Variants in ACVR2A observed in about 807,000 individuals in gnomAD.
ACVR2A encodes the protein activin A receptor type 2A.
ACVR2A carries 7 observed loss-of-function variants against 61.4 expected under a neutral mutation model. The ratio of observed to expected loss-of-function variants is 0.11; its 90% confidence interval spans 0.06 to 0.21. ACVR2A has a LOEUF of 0.21. Among genes scored for constraint, ACVR2A ranks in the 10% least tolerant of loss-of-function variants. The probability of loss-of-function intolerance (pLI) is 1.00; values close to 1 mark genes in which losing one functional copy is unlikely to be tolerated. For missense variants in ACVR2A, 322 were observed against 621.7 expected (o/e 0.52, Z 5.13); for synonymous variants, 193 against 208.3 (o/e 0.93, Z 0.63).
chr2:147,923,247 G>C, intron 9 of ACVR2A, 136 bp downstream of exon 9: 1 of 964,302 alleles, frequency 1.0e-6, no homozygotes, highest in East Asian at 2.7e-5. Context: ...GAGAATTCAG[G>C]AGGCAGGGGA....
chr2:147,898,502 A>T (rs1686797720), intron 2 of ACVR2A, among the ~76,000 whole-genome samples: 1 of 151,988 alleles, frequency 6.6e-6, no homozygotes, highest in Admixed American at 6.6e-5. Context: ...GTTGATGTTG[A>T]GTATATTTTA....
At chr2:147,904,589 G>A (rs905073938) in intron 4 of ACVR2A, among the ~76,000 whole-genome samples, 2 of 151,818 alleles carry the variant, frequency 1.3e-5, no homozygotes, top group Admixed American at 6.6e-5. Flanking sequence ...GGTCTGATAA[G>A]GACTAAAGCT....
intron 1 of ACVR2A, among the ~76,000 whole-genome samples, chr2:147,850,117 T>C (rs982114854): frequency 6.6e-6 from 1 of 152,120 alleles, no homozygotes; most frequent in Non-Finnish European, 1.5e-5. Flanking sequence ...GCTCTGTAAC[T>C]CATTGTTTTT....
At chr2:147,881,165 C>T (rs540797519) in intron 1 of ACVR2A, among the ~76,000 whole-genome samples, 22 of 152,190 alleles carry the variant, frequency 1.4e-4, no homozygotes, top group Admixed American at 1.4e-3. Context: ...TAAATGTGGT[C>T]CCAGGTGTTA....
Position 147,927,227 on chromosome 2 carries a change from A to C in ACVR2A, c.1495A>C (p.Thr499Pro). Residue 499 changes from threonine to proline, a missense_variant, in exon 11 of 11, where the codon ACA (threonine) becomes CCA (proline). Coordinates refer to ENST00000241416, the MANE Select transcript of ACVR2A (RefSeq NM_001616.5). Reference protein sequence around the residue: ...ITTEDIVTVVTMVTNVDFPPK... With the variant: ...ITTEDIVTVVPMVTNVDFPPK... ...CACAGAGGACATTGTAACAGTGGTC[A>C]CAATGGTGACAAATGTTGACTTTCC... 6.2e-7 allele frequency: 1 copy of C among 1,611,976 alleles called. No homozygotes were observed. The highest frequency in any genetic ancestry group is 8.5e-7 in the Non-Finnish European group (1 of 1,178,664).
At chr2:147,858,329 T>A (rs1043302205) in intron 1 of ACVR2A, among the ~76,000 whole-genome samples, 3 of 152,176 alleles carry the variant, frequency 2.0e-5, no homozygotes, top group Non-Finnish European at 4.4e-5. Flanking sequence ...GAATTCAGAA[T>A]TTGTGATGCC....
At chr2:147,850,446 T>A (rs971991458) in intron 1 of ACVR2A, among the ~76,000 whole-genome samples, 1 of 152,184 alleles carries the variant, frequency 6.6e-6, no homozygotes, top group Non-Finnish European at 1.5e-5. Context: ...GCTCTTATTC[T>A]CTTTTTTAAT....
chr2:147,882,909 A>AG (rs1246843762), intron 1 of ACVR2A, among the ~76,000 whole-genome samples: 17 of 152,172 alleles, frequency 1.1e-4, no homozygotes, highest in African/African-American at 4.1e-4. Flanking sequence ...TTTAAAAAAA[A>AG]AAAATTAGAT....
intron 4 of ACVR2A, among the ~76,000 whole-genome samples, chr2:147,908,290 T>TA (rs2105205006): frequency 6.6e-6 from 1 of 152,304 alleles, no homozygotes; most frequent in African/African-American, 2.4e-5. Context: ...CTGATTCTTT[T>TA]AAGCATCAAC....
intron 1 of ACVR2A, among the ~76,000 whole-genome samples, chr2:147,871,689 T>G (rs1415139861): frequency 1.3e-5 from 2 of 152,144 alleles, no homozygotes; most frequent in African/African-American, 2.4e-5. Flanking sequence ...AGATATATAT[T>G]GAAAAACTCA....
intron 1 of ACVR2A, among the ~76,000 whole-genome samples, chr2:147,857,532 T>TAAAAAAA (rs1003153545): frequency 6.3e-5 from 7 of 111,486 alleles, no homozygotes; most frequent in Non-Finnish European, 1.4e-4. Flanking sequence ...TGGTTTTCTT[T>TAAAAAAA]AAAAAAAAAA....
intron 1 of ACVR2A, 99 bp from the exon 2 acceptor site, chr2:147,896,202 T>C (rs1265982210): frequency 9.6e-7 from 1 of 1,046,988 alleles, no homozygotes; most frequent in Non-Finnish European, 1.4e-6. Flanking sequence ...AGACGGTGAA[T>C]TACTGACACT....
chr2:147,860,700 G>C (rs1685706002), intron 1 of ACVR2A, among the ~76,000 whole-genome samples: 1 of 152,198 alleles, frequency 6.6e-6, no homozygotes. Context: ...AACCATAGTA[G>C]ACAGGTTGGT....
Position 147,926,108 on chromosome 2 carries a change from G to A in ACVR2A, c.1294G>A (p.Val432Ile). 6.2e-7 allele frequency: 1 copy of A among 1,612,002 alleles called. No homozygotes were observed. Among genetic ancestry groups the A allele is most frequent in the Non-Finnish European group, 8.5e-7 (1 of 1,178,650 alleles). ...ATCTCTTGAAGACATGCAGGAAGTTGTTGTGCATAAAAAAAAGAGGCCTGT... is the reference window on the plus strand; with the variant it reads ...ATCTCTTGAAGACATGCAGGAAGTTATTGTGCATAAAAAAAAGAGGCCTGT... ...HPSLEDMQEV[V>I]VHKKKRPVLR... Residue 432 changes from valine (V) to isoleucine (I), a missense_variant, in exon 10 of 11, where the codon GTT becomes ATT. Physicochemically the swap from Val to Ile is conservative, Grantham distance 29. Around this residue, in one of 3 missense-constraint regions of ACVR2A, gnomAD observed 146 missense variants for 383.8 expected, o/e 0.38. Transcript: ENST00000241416.
chr2:147,883,428 T>C (rs567631523), intron 1 of ACVR2A, among the ~76,000 whole-genome samples: 1 of 152,344 alleles, frequency 6.6e-6, no homozygotes, highest in East Asian at 1.9e-4. Context: ...TGACCTCAGG[T>C]TATCTGCCCG....
Position 147,930,657 on chromosome 2 carries a change from T to G in ACVR2A, c.*3383T>G, listed in dbSNP as rs1687665573. On this transcript the variant is annotated 3_prime_UTR_variant, in exon 11 of 11. Coordinates refer to ENST00000241416, the MANE Select transcript of ACVR2A (RefSeq NM_001616.5). ...TTTCTTGTGTTTTGGGCACAGGTTATTGTACTACTGTCAAATCGTACTTGC... is the reference window on the plus strand; with the variant it reads ...TTTCTTGTGTTTTGGGCACAGGTTAGTGTACTACTGTCAAATCGTACTTGC... 1 of 152,448 alleles carries G rather than the reference T, an allele frequency of 6.6e-6. No homozygotes were observed. Among genetic ancestry groups the G allele is most frequent in the African/African-American group, 2.4e-5 (1 of 41,414 alleles). 9.4% of individuals were successfully genotyped at this position (152,448 alleles called of 1,614,324 possible).
chr2:147,920,249 G>A lies in ACVR2A; in HGVS notation c.982G>A (p.Val328Met). ...TGCAAGGGACATCAAAAGTAAAAAT[G>A]TGCTGTTGAAAAACAACCTGACAGC... The part of the protein sequence containing the change: ...ISHRDIKSKN[V>M]LLKNNLTACI... The change falls in exon 8 of 11, where the codon GTG (valine) becomes ATG (methionine). Residue 328 changes from valine (V) to methionine (M), a missense_variant. Val to Met is a conservative substitution (Grantham distance 21). This residue lies in a region of ACVR2A where 146 missense variants were observed against 383.8 expected (regional missense o/e 0.38). Coordinates refer to ENST00000241416, the MANE Select transcript of ACVR2A (RefSeq NM_001616.5). 6.2e-7 allele frequency: 1 copy of A among 1,613,084 alleles called. No homozygotes were observed. Among genetic ancestry groups the A allele is most frequent in the Non-Finnish European group, 8.5e-7 (1 of 1,179,386 alleles).
At chr2:147,890,195 A>G (rs761740026) in intron 1 of ACVR2A, among the ~76,000 whole-genome samples, 23 of 152,170 alleles carry the variant, frequency 1.5e-4, no homozygotes, top group Admixed American at 6.5e-4. Context: ...ACACATGTGC[A>G]TATACTATAT....
intron 1 of ACVR2A, among the ~76,000 whole-genome samples, chr2:147,853,121 G>A (rs1685486732): frequency 6.6e-6 from 1 of 152,080 alleles, no homozygotes; most frequent in Non-Finnish European, 1.5e-5. Flanking sequence ...GAAGTAATGA[G>A]CCAGAGGAAA....
Sources: gnomAD v4.1 joint callset for allele counts (sites outside exome capture counted in the v4.1 genomes callset) on GRCh38, gnomAD v4.1.1 for gene constraint, gnomAD v4.1.1 regional missense constraint, MANE v1.5 for transcripts, NCBI Gene and HGNC (gene_info 2026-07-23, HGNC 2026-07-21) for gene names.